PTPRD: variants seen among roughly 807,000 people sequenced by gnomAD.
PTPRD encodes the protein receptor-type tyrosine-protein phosphatase delta.
PTPRD carries 34 observed loss-of-function variants against 214.5 expected under a neutral mutation model. The ratio of observed to expected loss-of-function variants is 0.16; its 90% CI spans 0.12 to 0.21. The LOEUF (loss-of-function observed/expected upper bound fraction) is 0.21. Ranked by LOEUF, PTPRD falls within the 10% of genes least tolerant of loss-of-function variation. The pLI is 1.00. For missense variants in PTPRD, 2,545 were observed against 2,398.7 expected (o/e 1.06, Z -1.27); for synonymous variants, 1,128 against 845.7 (o/e 1.33, Z -5.79).
At chr9:10,305,195 T>C (rs558333019) in intron 3 of PTPRD, among the ~76,000 whole-genome samples, 80 of 152,140 alleles carry the variant, frequency 5.3e-4, no homozygotes, top group African/African-American at 1.8e-3. Flanking sequence ...GAAAACTGAA[T>C]AGGCATATGC....
intron 14 of PTPRD, among the ~76,000 whole-genome samples, chr9:8,585,979 T>C (rs951704139): frequency 3.3e-5 from 5 of 149,764 alleles, no homozygotes; most frequent in African/African-American, 5.0e-5. Context: ...AAACAATTTG[T>C]GGATTTAACA....
intron 5 of PTPRD, among the ~76,000 whole-genome samples, chr9:9,807,239 A>T (rs913981103): frequency 2.8e-4 from 42 of 152,296 alleles, no homozygotes; most frequent in Admixed American, 7.2e-4. Flanking sequence ...GCAAGCAGGT[A>T]ACAATCTGAG....
intron 12 of PTPRD, among the ~76,000 whole-genome samples, chr9:8,727,466 G>T (rs537680070): frequency 6.6e-6 from 1 of 152,256 alleles, no homozygotes; most frequent in Admixed American, 6.5e-5. Flanking sequence ...GGAAGAGGGA[G>T]TAATTTTGCC....
At chr9:9,189,067 G>A (rs548021430) in intron 9 of PTPRD, among the ~76,000 whole-genome samples, 2 of 152,090 alleles carry the variant, frequency 1.3e-5, no homozygotes, top group South Asian at 4.1e-4. Flanking sequence ...TTTGAACATG[G>A]TATGTATCAG....
rs1010542441 is a variant in PTPRD, at chr9:9,162,946, G to C, written c.-143+20358C>G. The stretch of plus-strand genomic sequence containing the variant: ...TTCTTGGGAACATTTGATACTGTTG[G>C]CAACTTTTCTTTAGGACTCTCTATT... On this transcript the variant is annotated intron_variant, in intron 10 of 45. Transcript: ENST00000381196. 3.3e-5 allele frequency among the ~76,000 whole-genome samples: 5 copies of C among 152,080 alleles called. No homozygotes were observed. In the East Asian group the frequency reaches 9.7e-4, roughly 29 times the overall value.
chr9:9,497,325 G>T (rs1229440519), intron 8 of PTPRD, among the ~76,000 whole-genome samples: 1 of 152,082 alleles, frequency 6.6e-6, no homozygotes, highest in African/African-American at 2.4e-5. Flanking sequence ...TAACTATCTG[G>T]TCACTACAGT....
intron 10 of PTPRD, among the ~76,000 whole-genome samples, chr9:9,118,051 C>A (rs1268244857): frequency 2.0e-5 from 3 of 152,168 alleles, no homozygotes; most frequent in Non-Finnish European, 4.4e-5. Flanking sequence ...GAAGCATAAA[C>A]TCCCTGGCTT....
At chr9:8,509,121 T>A (rs1215670156) in intron 21 of PTPRD, among the ~76,000 whole-genome samples, 1 of 151,942 alleles carries the variant, frequency 6.6e-6, no homozygotes, top group African/African-American at 2.4e-5. Context: ...GCCCAGTGGG[T>A]GACCTAACAC....
chr9:10,545,454 G>C (rs1407169095), intron 2 of PTPRD, among the ~76,000 whole-genome samples: 1 of 152,108 alleles, frequency 6.6e-6, no homozygotes, highest in Non-Finnish European at 1.5e-5. Flanking sequence ...TCTGGTTTAT[G>C]GCTAATTAGT....
intron 7 of PTPRD, among the ~76,000 whole-genome samples, chr9:9,653,576 A>G (rs1201733161): frequency 6.6e-6 from 1 of 152,120 alleles, no homozygotes; most frequent in African/African-American, 2.4e-5. Context: ...GAACTTTGTA[A>G]TAGGCTGCTT....
chr9:8,650,528 CA>C (rs35887411), intron 12 of PTPRD, among the ~76,000 whole-genome samples: 62,904 of 104,254 alleles, frequency 0.6, 16,781 homozygotes, highest in African/African-American at 0.73. Flanking sequence ...ACTCCGCCTC[CA>C]AAAAAAAAAA....
chr9:10,240,791 T>C (rs1017662839), intron 3 of PTPRD, among the ~76,000 whole-genome samples: 6 of 151,904 alleles, frequency 3.9e-5, no homozygotes, highest in Non-Finnish European at 8.8e-5. Context: ...TGGCATTTAA[T>C]TTGTTAATGG....
chr9:8,596,606 G>A (rs777217884), intron 14 of PTPRD, among the ~76,000 whole-genome samples: 17 of 152,056 alleles, frequency 1.1e-4, no homozygotes, highest in African/African-American at 2.4e-4. Flanking sequence ...TTATCATTTG[G>A]CCATCTTAAG....
intron 11 of PTPRD, among the ~76,000 whole-genome samples, chr9:8,855,197 A>T (rs1008652113): frequency 6.6e-6 from 1 of 151,710 alleles, no homozygotes; most frequent in Non-Finnish European, 1.5e-5. Context: ...CCTCCTGGAT[A>T]TAAGAACAGT....
At chr9:9,028,254 A>T (rs2099593706) in intron 10 of PTPRD, among the ~76,000 whole-genome samples, 1 of 151,958 alleles carries the variant, frequency 6.6e-6, no homozygotes, top group South Asian at 2.1e-4. Context: ...TATTTGTTGA[A>T]GCTCACTAAA....
At chr9:9,535,829 G>C (rs1351227226) in intron 8 of PTPRD, among the ~76,000 whole-genome samples, 2 of 152,034 alleles carry the variant, frequency 1.3e-5, no homozygotes, top group South Asian at 2.1e-4. Context: ...TTGTGTGTGG[G>C]GGAGGGGTGT....
chr9:9,152,956 C>T (rs1445209), intron 10 of PTPRD, among the ~76,000 whole-genome samples: 3,089 of 152,272 alleles, frequency 0.02, 106 homozygotes, highest in African/African-American at 0.07. Flanking sequence ...TTTACATCCT[C>T]CCCACTGTGT....
intron 7 of PTPRD, among the ~76,000 whole-genome samples, chr9:9,654,135 C>A (rs1206899219): frequency 1.3e-5 from 2 of 152,200 alleles, no homozygotes; most frequent in African/African-American, 4.8e-5. Context: ...TTATCCAACC[C>A]AGGCTACATT....
At position 8,933,340 on chromosome 9, in the gene PTPRD, GTTTTTT is replaced by G. The variant is rs71317383; in HGVS notation, c.-104+85351_-104+85356del. ...CCATCTTGCCAGCCACAACCTTGAGGTTTTTTTTTTTTTTTTTTTTTTTACATAAAA... is the reference window on the plus strand; with the variant it reads ...CCATCTTGCCAGCCACAACCTTGAGGTTTTTTTTTTTTTTTTTACATAAAA... On this transcript the variant is annotated intron_variant, in intron 11 of 45. Transcript: ENST00000381196. 4.8e-4 allele frequency among the ~76,000 whole-genome samples: 39 copies of G among 80,440 alleles called. 3 individuals are homozygous for G. The highest frequency in any genetic ancestry group is 1.3e-3 in the African/African-American group (25 of 19,774). The allele number at this position is 80,440 out of a possible 152,430, so 52.8% of individuals were successfully genotyped here. A position where few individuals can be genotyped will look rare whatever the true frequency, so the allele number is the denominator to read the frequency against.
Sources: allele counts gnomAD v4.1 joint callset (sites outside exome capture counted in the v4.1 genomes callset), GRCh38; gene constraint gnomAD v4.1.1; transcripts MANE v1.5; gene names NCBI Gene and HGNC (gene_info 2026-07-23, HGNC 2026-07-21).